Variants in DYM observed in about 807,000 individuals in gnomAD.
The protein encoded by DYM is dymeclin.
In DYM, 78 loss-of-function variants were observed where a neutral mutation model predicts 93.1. The ratio of observed to expected loss-of-function variants is 0.84; its 90% CI spans 0.70 to 1.01. The LOEUF is 1.01. Ranked by LOEUF, DYM falls within the 50% of genes least tolerant of loss-of-function variation. The pLI, the probability that DYM is intolerant of heterozygous loss-of-function variation, is 0.00. For synonymous variants in DYM, 321 were observed against 319.7 expected, an observed-to-expected ratio of 1.00 and a Z score of -0.04; for missense variants, 789 against 845.0, an observed-to-expected ratio of 0.93 and a Z score of 0.82.
At chr18:49,237,146 G>A (rs2093892023) in intron 13 of DYM, among the ~76,000 whole-genome samples, 1 of 152,062 alleles carries the variant, frequency 6.6e-6, no homozygotes, top group Admixed American at 6.6e-5. Flanking sequence ...TGAAAGGTTA[G>A]GTAACTTCCC....
chr18:49,067,669 T>G lies in DYM; in HGVS notation c.2026-23465A>C, dbSNP rs544202914. ...TCCTGAAACAATTGTCCATGCCACA[T>G]GCAGGGGCAGAGCAGAAGAATCTGC... is the stretch of plus-strand genomic sequence containing the variant. On this transcript the variant is annotated intron_variant, in intron 17 of 17. Transcript: ENST00000675505. Among the ~76,000 whole-genome samples, 29 of 152,264 alleles carry G rather than the reference T, an allele frequency of 1.9e-4. No homozygotes were observed. The East Asian group carries it at 5.4e-3, about 28-fold the overall frequency.
chr18:49,423,572 C>T (rs2073956616), intron 2 of DYM, among the ~76,000 whole-genome samples: 3 of 151,914 alleles, frequency 2.0e-5, no homozygotes, highest in Admixed American at 2.0e-4. Context: ...GATAGAGACA[C>T]AAAAAACCCT....
Position 49,042,311 on chromosome 18 carries a change from G to C in DYM, c.*1744C>G, listed in dbSNP as rs1047885703. The C allele has an allele frequency of 2.0e-5, 3 of 152,638 alleles. No homozygotes were observed. Among genetic ancestry groups the C allele is most frequent in the Non-Finnish European group, 2.9e-5 (2 of 68,146 alleles). 9.5% of individuals were successfully genotyped at this position (152,638 alleles called of 1,614,324 possible). A position where few individuals can be genotyped will look rare whatever the true frequency, so the allele number is the denominator to read the frequency against. ...GGAGGCAAGCTGCACTCACCTCTGGGACCCCACCCGGGATGGGCGCTCCAC... is the reference window on the plus strand; with the variant it reads ...GGAGGCAAGCTGCACTCACCTCTGGCACCCCACCCGGGATGGGCGCTCCAC... On this transcript the variant is annotated 3_prime_UTR_variant, in exon 18 of 18. Coordinates refer to ENST00000675505, the MANE Select transcript of DYM (RefSeq NM_001353214.3).
At chr18:49,404,594 C>A (rs1164970043) in intron 2 of DYM, among the ~76,000 whole-genome samples, 1 of 152,072 alleles carries the variant, frequency 6.6e-6, no homozygotes, top group Non-Finnish European at 1.5e-5. Context: ...TATTTTTTGA[C>A]CTTTTAATAA....
At chr18:49,239,545 GGC>G (rs1320102015) in intron 13 of DYM, among the ~76,000 whole-genome samples, 1 of 152,178 alleles carries the variant, frequency 6.6e-6, no homozygotes, top group Non-Finnish European at 1.5e-5. Flanking sequence ...AGCTGAGCTA[GGC>G]CATAAGAAAC....
chr18:49,437,118 A>T (rs1014032280), intron 1 of DYM, among the ~76,000 whole-genome samples: 2 of 152,198 alleles, frequency 1.3e-5, no homozygotes, highest in African/African-American at 4.8e-5. Flanking sequence ...ACAAAATACA[A>T]AAGCTTCAAA....
chr18:49,105,259 C>G (rs997500422), intron 16 of DYM, among the ~76,000 whole-genome samples: 13 of 152,022 alleles, frequency 8.6e-5, no homozygotes, highest in African/African-American at 3.1e-4. Flanking sequence ...TAATATCTCC[C>G]TTATCATTTT....
chr18:49,145,129 ATATAT>A (rs1189474176), intron 15 of DYM, among the ~76,000 whole-genome samples: 1,539 of 117,380 alleles, frequency 0.013, 141 homozygotes, highest in African/African-American at 0.037. Context: ...ATATATATAT[ATATAT>A]AATTTATATA....
At chr18:49,197,009 G>C (rs571720089) in intron 14 of DYM, among the ~76,000 whole-genome samples, 2 of 152,262 alleles carry the variant, frequency 1.3e-5, no homozygotes, top group East Asian at 3.9e-4. Context: ...AGCAGGTGAG[G>C]GGAAAATGCT....
At chr18:49,242,930 G>A (rs1291272591) in intron 13 of DYM, among the ~76,000 whole-genome samples, 1 of 152,086 alleles carries the variant, frequency 6.6e-6, no homozygotes, top group Non-Finnish European at 1.5e-5. Context: ...TCGATCTCCT[G>A]ACCTCGTGAT....
intron 14 of DYM, among the ~76,000 whole-genome samples, chr18:49,179,611 G>C (rs1271822624): frequency 6.6e-6 from 1 of 152,018 alleles, no homozygotes; most frequent in East Asian, 1.9e-4. Flanking sequence ...ACCATCTATA[G>C]AGTATCTATT....
intron 17 of DYM, among the ~76,000 whole-genome samples, chr18:49,059,276 T>G (rs1318673109): frequency 6.6e-6 from 1 of 152,200 alleles, no homozygotes; most frequent in Non-Finnish European, 1.5e-5. Context: ...CTGCTGGTGC[T>G]TTGATCTTAG....
chr18:49,262,934 C>T (rs2094512569), intron 11 of DYM, among the ~76,000 whole-genome samples: 1 of 152,088 alleles, frequency 6.6e-6, no homozygotes, highest in Admixed American at 6.5e-5. Context: ...GATCACTATC[C>T]TAAATCTCAC....
At chr18:49,151,613 T>C (rs2085823324) in intron 15 of DYM, among the ~76,000 whole-genome samples, 1 of 152,188 alleles carries the variant, frequency 6.6e-6, no homozygotes, top group South Asian at 2.1e-4. Context: ...AAATCATTCA[T>C]CCCACATAAA....
At chr18:49,338,110 A>G (rs1324489517) in intron 6 of DYM, among the ~76,000 whole-genome samples, 1 of 152,230 alleles carries the variant, frequency 6.6e-6, no homozygotes, top group Non-Finnish European at 1.5e-5. Flanking sequence ...TAAAAATCCA[A>G]CTAGGCCAGA....
intron 9 of DYM, among the ~76,000 whole-genome samples, chr18:49,285,240 T>C (rs1306444283): frequency 6.6e-6 from 1 of 152,206 alleles, no homozygotes; most frequent in African/African-American, 2.4e-5. Context: ...AATACCAGAA[T>C]TGGCAGAGGC....
intron 5 of DYM, among the ~76,000 whole-genome samples, chr18:49,367,815 T>C (rs11082750): frequency 0.094 from 14,373 of 152,102 alleles, 868 homozygotes; most frequent in East Asian, 0.31. Flanking sequence ...ACTCCAAAAA[T>C]AGGTTAAAAG....
At chr18:49,141,941 C>A (rs184049258) in intron 15 of DYM, among the ~76,000 whole-genome samples, 18 of 152,136 alleles carry the variant, frequency 1.2e-4, no homozygotes, top group African/African-American at 3.9e-4. Context: ...GCAAGCTCTG[C>A]CCCCCGGGTT....
At chr18:49,241,322 G>A (rs939888366) in intron 13 of DYM, among the ~76,000 whole-genome samples, 1 of 152,184 alleles carries the variant, frequency 6.6e-6, no homozygotes. Flanking sequence ...CTACGCTAGG[G>A]TCAAACTTGG....
Sources: gnomAD v4.1 joint callset for allele counts (sites outside exome capture counted in the v4.1 genomes callset) on GRCh38, gnomAD v4.1.1 for gene constraint, MANE v1.5 for transcripts, NCBI Gene and HGNC (gene_info 2026-07-23, HGNC 2026-07-21) for gene names.